UBN1: variants seen among roughly 807,000 people sequenced by gnomAD.
The protein encoded by UBN1 is ubinuclein-1.
In UBN1, 17 loss-of-function variants were observed where a neutral mutation model predicts 108.5. That is an observed-to-expected ratio of 0.16 (90% CI 0.11 to 0.24). The LOEUF is 0.24. UBN1 is among the 10% of genes least tolerant of loss of function. UBN1 has a pLI of 1.00. For missense variants in UBN1, 1,595 were observed against 1,394.4 expected, an observed-to-expected ratio of 1.14 and a Z score of -2.29; for synonymous variants, 726 against 564.2, an observed-to-expected ratio of 1.29 and a Z score of -4.07.
chr16:4,870,430 C>A (rs965201943), intron 9 of UBN1, 86 bp from the exon 10 acceptor site: 1 of 1,609,428 alleles, frequency 6.2e-7, no homozygotes, highest in African/African-American at 1.3e-5. Flanking sequence ...TGCTGCCCCA[C>A]TGCCTCCTTG....
intron 14 of UBN1, 50 bp downstream of exon 14, chr16:4,873,123 A>G (rs140807020): frequency 8.6e-4 from 1,385 of 1,610,966 alleles, no homozygotes; most frequent in Non-Finnish European, 1.1e-3. Context: ...TCTCCCTACA[A>G]CTATGCTCTG....
chr16:4,877,625 T>G lies in UBN1; in HGVS notation c.3355+151T>G. 3 of 1,381,108 alleles carry G rather than the reference T, an allele frequency of 2.2e-6. No homozygotes were observed. Among genetic ancestry groups the G allele is most frequent in the Non-Finnish European group, 2.8e-6 (3 of 1,070,324 alleles). 85.6% of individuals were successfully genotyped at this position (1,381,108 alleles called of 1,614,324 possible). A position where few individuals can be genotyped will look rare whatever the true frequency, so the allele number is the denominator to read the frequency against. On this transcript the variant is annotated intron_variant, in intron 17 of 17. Coordinates refer to ENST00000262376, the MANE Select transcript of UBN1 (RefSeq NM_001079514.3). The surrounding 1 kb of genome is among the most constrained non-coding windows in gnomAD (Gnocchi z 4.3). ...CTTTGAGGCTGTGCTTTGTCAGTAC[T>G]CAGGGTGACACGCACTTCTACTCTT... is the stretch of plus-strand genomic sequence containing the variant.
At chr16:4,854,745 CAG>C (rs1406128582) in intron 2 of UBN1, among the ~76,000 whole-genome samples, 4 of 149,654 alleles carry the variant, frequency 2.7e-5, no homozygotes, top group Admixed American at 6.7e-5. Flanking sequence ...TTTTTTGAGA[CAG>C]AGTCTCGCTC....
chr16:4,852,746 AC>A, intron 1 of UBN1, 132 bp from the exon 2 acceptor site: 1 of 1,006,604 alleles, frequency 9.9e-7, no homozygotes, highest in Non-Finnish European at 1.4e-6. Flanking sequence ...GCAGAAAAAA[AC>A]AATAAATGAC....
At chr16:4,858,141 C>G (rs2086896967) in intron 3 of UBN1, 65 bp downstream of exon 3, 1 of 1,023,022 alleles carries the variant, frequency 9.8e-7, no homozygotes, top group Non-Finnish European at 1.5e-6. Context: ...ACACTGTATT[C>G]CTTTAGTGGA....
At chr16:4,850,550 C>G (rs1567876378) in intron 1 of UBN1, among the ~76,000 whole-genome samples, 2 of 152,170 alleles carry the variant, frequency 1.3e-5, no homozygotes, top group East Asian at 3.8e-4. Flanking sequence ...ATCCTGAGGG[C>G]CTTGGAGATT....
In UBN1 at chr16:4,852,956, A is replaced by G; in HGVS notation, c.39A>G (p.Pro13=). ...ACAGGGTCCAGTTCACCTCTCTCCC[A>G]GGTTCCCTGAATCCTGCGTTTTTGA... ...EPHRVQFTSL[P]GSLNPAFLKK... Residue 13 remains proline (P), a synonymous_variant, in exon 2 of 18, where the codon CCA becomes CCG. Coordinates refer to ENST00000262376, the MANE Select transcript of UBN1 (RefSeq NM_001079514.3). 1 of 1,614,174 alleles carries G rather than the reference A, an allele frequency of 6.2e-7. No homozygotes were observed. The highest frequency in any genetic ancestry group is 1.1e-5 in the South Asian group (1 of 91,084).
Position 4,877,797 on chromosome 16 carries a change from T to TAAAAAAA in UBN1, c.3355+323_3355+324insAAAAAAA. The TAAAAAAA allele has an allele frequency of 9.9e-7, 1 of 1,010,644 alleles. No homozygotes were observed. Among genetic ancestry groups the TAAAAAAA allele is most frequent in the Non-Finnish European group, 1.2e-6 (1 of 844,242 alleles). 62.6% of individuals were successfully genotyped at this position (1,010,644 alleles called of 1,614,324 possible). A position where few individuals can be genotyped will look rare whatever the true frequency, so the allele number is the denominator to read the frequency against. On this transcript the variant is annotated intron_variant, in intron 17 of 17. Coordinates refer to ENST00000262376, the MANE Select transcript of UBN1 (RefSeq NM_001079514.3). The surrounding 1 kb of genome is among the most constrained non-coding windows in gnomAD (Gnocchi z 4.3). ...CTCGGCTTGTTTTTTTCTCTTCAGT[T>TAAAAAAA]TAAAAAAAAAAAAAAAGGGAAGGTA...
At chr16:4,863,762 C>T (rs557075154) in intron 7 of UBN1, among the ~76,000 whole-genome samples, 2 of 152,162 alleles carry the variant, frequency 1.3e-5, no homozygotes, top group African/African-American at 4.8e-5. Flanking sequence ...TCTGGGCCAA[C>T]GCTCATGGCT....
intron 6 of UBN1, 52 bp downstream of exon 6, chr16:4,860,020 G>A: frequency 2.5e-6 from 4 of 1,605,416 alleles, no homozygotes; most frequent in Non-Finnish European, 3.4e-6. Context: ...GTTAGGGCAG[G>A]ACGACTGGGA....
At chr16:4,866,935 G>A (rs74444836) in intron 7 of UBN1, among the ~76,000 whole-genome samples, 11,668 of 152,266 alleles carry the variant, frequency 0.077, 457 homozygotes, top group Non-Finnish European at 0.086. Context: ...CCAGATAGCC[G>A]GACTTAAGGG....
chr16:4,877,163 CA>C lies in UBN1; in HGVS notation c.3265+53del. 4.5e-6 allele frequency: 7 copies of C among 1,551,832 alleles called. No homozygotes were observed. The highest frequency in any genetic ancestry group is 6.1e-6 in the Non-Finnish European group (7 of 1,152,632). Reference sequence around the variant, plus strand: ...CACTCAGGAACCTCTAGATTGTGGCCAGGGGTCCTGCTGTTGTGTACTCTGG... The same window carrying C: ...CACTCAGGAACCTCTAGATTGTGGCCGGGGTCCTGCTGTTGTGTACTCTGG... On this transcript the variant is annotated intron_variant, in intron 16 of 17. Coordinates refer to ENST00000262376, the MANE Select transcript of UBN1 (RefSeq NM_001079514.3). This position sits in a 1 kb window ranked among gnomAD's most constrained non-coding sequence, Gnocchi z 4.3.
intron 2 of UBN1, among the ~76,000 whole-genome samples, chr16:4,854,695 G>A (rs2086714567): frequency 6.7e-6 from 1 of 150,248 alleles, no homozygotes; most frequent in Non-Finnish European, 1.5e-5. Flanking sequence ...AGATGGAATT[G>A]TATGGTATTT....
chr16:4,866,044 G>A (rs2087315231), intron 7 of UBN1, among the ~76,000 whole-genome samples: 1 of 152,218 alleles, frequency 6.6e-6, no homozygotes, highest in South Asian at 2.1e-4. Context: ...GTCTGAAAGT[G>A]TGGCATGTGA....
intron 1 of UBN1, among the ~76,000 whole-genome samples, chr16:4,849,949 C>CAGAAAAAAA (rs2086467139): frequency 1.4e-5 from 1 of 72,210 alleles, no homozygotes; most frequent in African/African-American, 5.9e-5. Context: ...AACTGTCTCA[C>CAGAAAAAAA]AAAAAAAAAA....
chr16:4,868,306 T>G (rs1860368078), intron 7 of UBN1, among the ~76,000 whole-genome samples: 1 of 152,216 alleles, frequency 6.6e-6, no homozygotes, highest in South Asian at 2.1e-4. Context: ...GGTTAATTAT[T>G]CACATGGTCT....
chr16:4,851,918 G>A (rs1306461285), intron 1 of UBN1, among the ~76,000 whole-genome samples: 1 of 152,150 alleles, frequency 6.6e-6, no homozygotes, highest in Non-Finnish European at 1.5e-5. Flanking sequence ...ACTTATAAGA[G>A]ATATGACAGA....
chr16:4,851,074 G>A (rs1437099189), intron 1 of UBN1, among the ~76,000 whole-genome samples: 2 of 152,192 alleles, frequency 1.3e-5, no homozygotes, highest in South Asian at 2.1e-4. Context: ...TGCAATATAT[G>A]CCAAATCAGC....
intron 6 of UBN1, among the ~76,000 whole-genome samples, chr16:4,860,460 T>C (rs2087007346): frequency 2.6e-5 from 4 of 152,230 alleles, no homozygotes; most frequent in Admixed American, 2.0e-4. Flanking sequence ...TATGTGACAC[T>C]GTGTTGCTAA....
Sources: allele counts gnomAD v4.1 joint callset (sites outside exome capture counted in the v4.1 genomes callset), GRCh38; gene constraint gnomAD v4.1.1; non-coding constraint Gnocchi (gnomAD v3.1); transcripts MANE v1.5; gene names NCBI Gene and HGNC (gene_info 2026-07-23, HGNC 2026-07-21).